RAPGEF4: variants seen among roughly 807,000 people sequenced by gnomAD.
RAPGEF4 encodes RAP guanine-nucleotide-exchange factor (GEF) 4.
A neutral mutation model predicts 147.9 loss-of-function variants in RAPGEF4; 66 were observed. The ratio of observed to expected loss-of-function variants is 0.45; its 90% CI spans 0.37 to 0.55. The LOEUF (loss-of-function observed/expected upper bound fraction) is 0.55, where lower values mean the gene tolerates loss of function less well. Ranked by LOEUF, RAPGEF4 falls within the 20% of genes least tolerant of loss-of-function variation. RAPGEF4 has a pLI of 0.00. For synonymous variants in RAPGEF4, 419 were observed against 442.7 expected, an observed-to-expected ratio of 0.95 and a Z score of 0.67; for missense variants, 1,071 against 1,257.3, an observed-to-expected ratio of 0.85 and a Z score of 2.24.
chr2:172,824,064 G>C (rs899823200), intron 4 of RAPGEF4, among the ~76,000 whole-genome samples: 1 of 152,180 alleles, frequency 6.6e-6, no homozygotes, highest in South Asian at 2.1e-4. Flanking sequence ...TTAAAGAAGG[G>C]AGAGCCACAA....
intron 23 of RAPGEF4, among the ~76,000 whole-genome samples, chr2:173,021,504 C>T (rs1412984111): frequency 2.0e-5 from 3 of 152,278 alleles, no homozygotes; most frequent in South Asian, 2.1e-4. Context: ...AGGAGAATGG[C>T]GTGAACCCGG....
chr2:172,798,264 A>G (rs887331255), intron 3 of RAPGEF4, among the ~76,000 whole-genome samples: 2 of 152,130 alleles, frequency 1.3e-5, no homozygotes, highest in Non-Finnish European at 2.9e-5. Flanking sequence ...AAAAACGAAA[A>G]CAAAATTAAA....
At chr2:173,037,317 C>A (rs576401889) in intron 29 of RAPGEF4, among the ~76,000 whole-genome samples, 2 of 152,068 alleles carry the variant, frequency 1.3e-5, no homozygotes, top group South Asian at 2.1e-4. Context: ...AACTCCTGGG[C>A]TCAAGCGCTC....
At chr2:172,831,154 C>T (rs1690264608) in intron 4 of RAPGEF4, among the ~76,000 whole-genome samples, 1 of 151,934 alleles carries the variant, frequency 6.6e-6, no homozygotes, top group Non-Finnish European at 1.5e-5. Context: ...TTTACTTGTT[C>T]CATTTATTTG....
At position 172,814,280 on chromosome 2, in the gene RAPGEF4, A is replaced by G. The variant is rs200860758; in HGVS notation, c.299A>G (p.Asp100Gly). 1.4e-5 allele frequency: 23 copies of G among 1,614,150 alleles called. No individual in the cohort carries two copies. The African/African-American group carries it at 2.8e-4, about 20-fold the overall frequency. The change falls in exon 4 of 31, where the codon GAT becomes GGT. Residue 100 changes from aspartate (D) to glycine (G), a missense_variant and splice_region_variant. Coordinates refer to ENST00000397081, the MANE Select transcript of RAPGEF4 (RefSeq NM_007023.4). ...VKVSETSSHQ[D>G]AVTICTLGIG... ...TGACTAGTTTTTTGGGATCCTCAGG[A>G]TGCTGTGACCATCTGTACCCTGGGA...
In RAPGEF4 at chr2:173,012,505, A is replaced by G. The variant is rs7592554; in HGVS notation, c.1659-1959A>G. 3.8e-3 allele frequency among the ~76,000 whole-genome samples: 579 copies of G among 152,368 alleles called. 4 individuals carry two copies. The highest frequency in any genetic ancestry group is 0.013 in the African/African-American group (549 of 41,582). Reference sequence around the variant, plus strand: ...AGTTTCTGCACAAACACAAGATACCATAAAACTAAACCAAAGAAAGCACAG... The same window carrying G: ...AGTTTCTGCACAAACACAAGATACCGTAAAACTAAACCAAAGAAAGCACAG... On this transcript the variant is annotated intron_variant, in intron 17 of 30. Transcript: ENST00000397081.
At chr2:172,956,646 A>G (rs958414983) in intron 6 of RAPGEF4, among the ~76,000 whole-genome samples, 1 of 151,410 alleles carries the variant, frequency 6.6e-6, no homozygotes, top group Non-Finnish European at 1.5e-5. Flanking sequence ...ATTTTTTTGT[A>G]TTTTTAGTAG....
intron 1 of RAPGEF4, among the ~76,000 whole-genome samples, chr2:172,761,589 A>T (rs566227553): frequency 3.5e-4 from 54 of 152,336 alleles, no homozygotes; most frequent in South Asian, 2.1e-3. Context: ...TAGTAGTCCT[A>T]GCCAAGAAGA....
chr2:172,838,379 C>G (rs1338450777), intron 4 of RAPGEF4, among the ~76,000 whole-genome samples: 1 of 151,964 alleles, frequency 6.6e-6, no homozygotes, highest in Non-Finnish European at 1.5e-5. Context: ...GGGAAATCCG[C>G]CTTTGTTATC....
chr2:172,946,598 C>A (rs1262695320), intron 6 of RAPGEF4, among the ~76,000 whole-genome samples: 1 of 152,180 alleles, frequency 6.6e-6, no homozygotes, highest in Non-Finnish European at 1.5e-5. Flanking sequence ...CTCCAGCCTG[C>A]AATTCCATCT....
At chr2:172,823,366 T>A (rs1689290782) in intron 4 of RAPGEF4, among the ~76,000 whole-genome samples, 1 of 152,242 alleles carries the variant, frequency 6.6e-6, no homozygotes, top group Admixed American at 6.5e-5. Flanking sequence ...GAACTCAGCC[T>A]GTCATGTGTT....
At chr2:172,803,713 A>G (rs1687199665) in intron 3 of RAPGEF4, among the ~76,000 whole-genome samples, 1 of 152,054 alleles carries the variant, frequency 6.6e-6, no homozygotes. Context: ...CAGGCTGCAA[A>G]TTTTCCAAAC....
intron 4 of RAPGEF4, among the ~76,000 whole-genome samples, chr2:172,906,931 C>G (rs1461968258): frequency 1.3e-5 from 2 of 152,230 alleles, no homozygotes; most frequent in East Asian, 3.9e-4. Flanking sequence ...CTTTTGTATG[C>G]CAGCTCCTGG....
intron 25 of RAPGEF4, among the ~76,000 whole-genome samples, chr2:173,029,164 A>G (rs912955014): frequency 6.6e-5 from 10 of 152,196 alleles, no homozygotes; most frequent in African/African-American, 2.2e-4. Flanking sequence ...GACCATACAC[A>G]CTAGCTTCTC....
chr2:172,962,696 T>A (rs1262581913), intron 8 of RAPGEF4, among the ~76,000 whole-genome samples: 1 of 152,082 alleles, frequency 6.6e-6, no homozygotes, highest in African/African-American at 2.4e-5. Flanking sequence ...ATTTTGGAAA[T>A]GAGATGAGAC....
chr2:172,844,184 G>A (rs147512731), intron 4 of RAPGEF4, among the ~76,000 whole-genome samples: 62 of 152,294 alleles, frequency 4.1e-4, no homozygotes, highest in African/African-American at 1.4e-3. Context: ...CAGACTTGGG[G>A]ACTTGGAACA....
At chr2:172,861,228 A>C (rs1448898149) in intron 4 of RAPGEF4, among the ~76,000 whole-genome samples, 1 of 152,142 alleles carries the variant, frequency 6.6e-6, no homozygotes, top group Non-Finnish European at 1.5e-5. Context: ...GCAAGATGGA[A>C]TTTATGGCCC....
intron 5 of RAPGEF4, among the ~76,000 whole-genome samples, chr2:172,919,950 C>T (rs1213659467): frequency 3.9e-5 from 6 of 152,126 alleles, no homozygotes; most frequent in Non-Finnish European, 7.3e-5. Context: ...TCAGTTCCCT[C>T]TGCAGCCACC....
At chr2:173,033,858 A>G in intron 26 of RAPGEF4, 56 bp from the exon 27 acceptor site, 1 of 1,505,064 alleles carries the variant, frequency 6.6e-7, no homozygotes, top group Non-Finnish European at 9.2e-7. Context: ...AACCCATGAT[A>G]CATATCTAGA....
Sources: allele counts gnomAD v4.1 joint callset (sites outside exome capture counted in the v4.1 genomes callset), GRCh38; gene constraint gnomAD v4.1.1; transcripts MANE v1.5; gene names NCBI Gene and HGNC (gene_info 2026-07-23, HGNC 2026-07-21).